Variants in PALM2AKAP2 observed in about 807,000 individuals in gnomAD.
PALM2AKAP2 encodes the protein PALM2 and AKAP2 fusion.
Under a neutral mutation model 71.5 loss-of-function variants are expected in PALM2AKAP2, and 37 were observed. The ratio of observed to expected loss-of-function variants is 0.52; its 90% CI spans 0.40 to 0.68. PALM2AKAP2 has a LOEUF of 0.68. Among genes scored for constraint, PALM2AKAP2 ranks in the 30% least tolerant of loss-of-function variants. The pLI, the probability that PALM2AKAP2 is intolerant of heterozygous loss-of-function variation, is 0.00. For synonymous variants in PALM2AKAP2, 468 were observed against 478.8 expected (o/e 0.98, Z 0.29); for missense variants, 1,224 against 1,191.8 (o/e 1.03, Z -0.40).
intron 1 of PALM2AKAP2, among the ~76,000 whole-genome samples, chr9:109,863,376 G>A (rs1829365362): frequency 6.6e-6 from 1 of 152,166 alleles, no homozygotes; most frequent in Non-Finnish European, 1.5e-5. Flanking sequence ...TCTGACTTAA[G>A]TAGTGTCATT....
In PALM2AKAP2 at chr9:109,674,459, G is replaced by A. The variant is rs916587711; in HGVS notation, c.5+33593G>A. Among the ~76,000 whole-genome samples the A allele has an allele frequency of 6.6e-5, 10 of 152,064 alleles. No individual in the cohort carries two copies. The East Asian group carries it at 1.9e-3, about 29-fold the overall frequency. ...GACCTGGGATTTATCTTCCTCTGAA[G>A]ACTGTTGAACTTTCAGGCAGTTAAG... On this transcript the variant is annotated intron_variant, in intron 1 of 6. Coordinates refer to the PALM2AKAP2 transcript ENST00000374531.
chr9:110,161,941 A>G (rs1014783339), intron 3 of PALM2AKAP2, among the ~76,000 whole-genome samples, 153 bp from the exon 10 acceptor site: 4 of 152,018 alleles, frequency 2.6e-5, no homozygotes, highest in Admixed American at 6.6e-5. Context: ...AACTAATATC[A>G]GATGGAGAAA....
intron 1 of PALM2AKAP2, among the ~76,000 whole-genome samples, chr9:110,105,958 C>T (rs918426415): frequency 2.0e-5 from 3 of 152,190 alleles, no homozygotes; most frequent in African/African-American, 7.2e-5. Flanking sequence ...TATATATACG[C>T]ACTTTATCCT....
chr9:110,006,324 C>CTCTTTCTTTTTTCTTTCTTTCTTTCTT (rs1554736918), intron 6 of PALM2AKAP2, among the ~76,000 whole-genome samples: 1 of 102,102 alleles, frequency 9.8e-6, no homozygotes, highest in African/African-American at 3.9e-5. Flanking sequence ...TTCCTTCCTT[C>CTCTTTCTTTTTTCTTTCTTTCTTTCTT]TCTTTCTTTC....
intron 1 of PALM2AKAP2, among the ~76,000 whole-genome samples, chr9:109,773,297 G>A (rs1829299669): frequency 6.6e-6 from 1 of 152,036 alleles, no homozygotes; most frequent in South Asian, 2.1e-4. Flanking sequence ...TGCCACACCT[G>A]GCTAATTTAA....
intron 1 of PALM2AKAP2, among the ~76,000 whole-genome samples, chr9:109,812,523 A>G (rs918371118): frequency 5.9e-5 from 9 of 152,284 alleles, no homozygotes; most frequent in African/African-American, 1.9e-4. Flanking sequence ...GGGCAGAAGA[A>G]GCAAGGCGCG....
At chr9:110,023,502 C>T (rs911470959) in intron 7 of PALM2AKAP2, among the ~76,000 whole-genome samples, 13 of 151,444 alleles carry the variant, frequency 8.6e-5, no homozygotes, top group Admixed American at 2.6e-4. Context: ...TTAGTAGAGA[C>T]GGGGTTTCTC....
intron 6 of PALM2AKAP2, among the ~76,000 whole-genome samples, chr9:110,003,673 T>C (rs149334727): frequency 0.019 from 2,948 of 152,270 alleles, 109 homozygotes; most frequent in African/African-American, 0.067. Flanking sequence ...TAAGTCTCTT[T>C]ATAGGTCTCT....
intron 1 of PALM2AKAP2, among the ~76,000 whole-genome samples, chr9:109,762,186 T>C (rs913348086): frequency 6.6e-6 from 1 of 152,058 alleles, no homozygotes; most frequent in Non-Finnish European, 1.5e-5. Flanking sequence ...TATTGTTTCA[T>C]ATAAACCTAT....
intron 1 of PALM2AKAP2, among the ~76,000 whole-genome samples, chr9:109,684,501 G>A (rs1395410570): frequency 1.3e-5 from 2 of 152,100 alleles, no homozygotes; most frequent in African/African-American, 2.4e-5. Context: ...GGAAATAGGA[G>A]CTGTCACCTA....
At chr9:109,706,385 T>C in intron 1 of PALM2AKAP2, among the ~76,000 whole-genome samples, 1 of 152,158 alleles carries the variant, frequency 6.6e-6, no homozygotes, top group East Asian at 1.9e-4. Context: ...CAATGGATAT[T>C]ATGAAAGATA....
intron 1 of PALM2AKAP2, among the ~76,000 whole-genome samples, chr9:109,824,845 G>A (rs1053150455): frequency 6.6e-6 from 1 of 152,150 alleles, no homozygotes; most frequent in Admixed American, 6.5e-5. Flanking sequence ...GATCTCTTGG[G>A]GATACTGTTT....
chr9:109,699,858 C>T (rs1032682443), intron 1 of PALM2AKAP2, among the ~76,000 whole-genome samples: 2 of 152,002 alleles, frequency 1.3e-5, no homozygotes, highest in Admixed American at 6.6e-5. Flanking sequence ...TCACTGCAAC[C>T]TCCGCCTCCC....
chr9:109,789,349 C>T (rs531961914), intron 1 of PALM2AKAP2, among the ~76,000 whole-genome samples: 33 of 152,280 alleles, frequency 2.2e-4, no homozygotes, highest in Admixed American at 1.7e-3. Context: ...TTGCTTCTCA[C>T]GTGGGCAACT....
intron 1 of PALM2AKAP2, among the ~76,000 whole-genome samples, chr9:109,785,267 GT>G (rs1262571552): frequency 2.0e-5 from 3 of 152,186 alleles, no homozygotes; most frequent in Admixed American, 6.5e-5. Context: ...ACTCTGTGAA[GT>G]AATAAAAATG....
chr9:109,938,760 A>T (rs774936258), intron 6 of PALM2AKAP2, among the ~76,000 whole-genome samples: 1 of 152,146 alleles, frequency 6.6e-6, no homozygotes, highest in Non-Finnish European at 1.5e-5. Context: ...CGGGTGCGGT[A>T]GCTCACGCCT....
intron 1 of PALM2AKAP2, among the ~76,000 whole-genome samples, chr9:110,094,523 A>T (rs1336939095): frequency 6.6e-6 from 1 of 152,220 alleles, no homozygotes; most frequent in Non-Finnish European, 1.5e-5. Context: ...GGGAGGTCTC[A>T]GGAAACTTAC....
At chr9:109,658,895 T>G (rs1478182112) in intron 1 of PALM2AKAP2, among the ~76,000 whole-genome samples, 4 of 152,210 alleles carry the variant, frequency 2.6e-5, no homozygotes, top group Admixed American at 2.6e-4. Flanking sequence ...CGAAAAGTAC[T>G]TATAAATAAA....
chr9:109,843,831 G>A (rs750991952), intron 1 of PALM2AKAP2, among the ~76,000 whole-genome samples: 10 of 152,166 alleles, frequency 6.6e-5, no homozygotes, highest in Non-Finnish European at 1.3e-4. Flanking sequence ...GTAGGAGCCC[G>A]GACGAGGCCA....
Sources: gnomAD v4.1 joint callset for allele counts (sites outside exome capture counted in the v4.1 genomes callset) on GRCh38, gnomAD v4.1.1 for gene constraint, MANE v1.5 for transcripts, NCBI Gene and HGNC (gene_info 2026-07-23, HGNC 2026-07-21) for gene names.